The following DNAAF6 variants were observed in gnomAD, a reference collection of about 807,000 sequenced individuals.
DNAAF6 encodes the protein PIH1 domain containing 3.
DNAAF6 carries 3 observed loss-of-function variants against 13.7 expected under a neutral mutation model. The ratio of observed to expected loss-of-function variants is 0.22; its 90% CI spans 0.10 to 0.56. DNAAF6 has a LOEUF of 0.56. Among genes scored for constraint, DNAAF6 ranks in the 20% least tolerant of loss-of-function variants. DNAAF6 has a pLI of 0.92. For synonymous variants in DNAAF6, 54 were observed against 49.2 expected, an observed-to-expected ratio of 1.10 and a Z score of -0.41; for missense variants, 130 against 151.0, an observed-to-expected ratio of 0.86 and a Z score of 0.73.
At chrX:107,208,665 G>A (rs1203438940) in intron 1 of DNAAF6, among the ~76,000 whole-genome samples, 1 of 108,440 alleles carries the variant, frequency 9.2e-6, no homozygotes, top group Non-Finnish European at 1.9e-5. Flanking sequence ...AGCCACCCGA[G>A]GAGATGGGAT....
intron 5 of DNAAF6, among the ~76,000 whole-genome samples, chrX:107,230,398 C>G (rs1295465514): frequency 1.8e-5 from 2 of 111,777 alleles, no homozygotes; most frequent in Non-Finnish European, 3.8e-5. Context: ...AAAAGTAAGT[C>G]AAGGCCAGGC....
intron 5 of DNAAF6, among the ~76,000 whole-genome samples, chrX:107,235,788 G>A (rs894909298): frequency 7.2e-5 from 8 of 110,557 alleles, no homozygotes; most frequent in African/African-American, 2.6e-4. Flanking sequence ...AAATTGGGGG[G>A]GGGAGGTATA....
At chrX:107,207,982 A>G (rs1451579814) in intron 1 of DNAAF6, among the ~76,000 whole-genome samples, 2 of 111,355 alleles carry the variant, frequency 1.8e-5, no homozygotes, top group African/African-American at 6.5e-5. Flanking sequence ...TTCTTTTTAG[A>G]TAGAGGTGGA....
chrX:107,241,370 A>C (rs1449166620), intron 6 of DNAAF6, among the ~76,000 whole-genome samples: 1 of 112,011 alleles, frequency 8.9e-6, no homozygotes, highest in Non-Finnish European at 1.9e-5. Context: ...TAACTTCTGA[A>C]AATGCAAATA....
chrX:107,214,410 T>C (rs1927928902), intron 2 of DNAAF6, among the ~76,000 whole-genome samples: 1 of 111,625 alleles, frequency 9.0e-6, no homozygotes, highest in African/African-American at 3.2e-5. Flanking sequence ...GAAGTGGAAC[T>C]TGTAACTGGG....
At chrX:107,215,264 G>A (rs2147827454) in intron 2 of DNAAF6, among the ~76,000 whole-genome samples, 1 of 111,179 alleles carries the variant, frequency 9.0e-6, no homozygotes, top group African/African-American at 3.3e-5. Flanking sequence ...TCCATGGAAA[G>A]TATACCAATT....
chrX:107,239,783 T>C (rs1384002004), intron 6 of DNAAF6, among the ~76,000 whole-genome samples: 6 of 111,961 alleles, frequency 5.4e-5, no homozygotes, highest in African/African-American at 1.9e-4. Flanking sequence ...ATATCAAATG[T>C]TTTCTTATTA....
At chrX:107,219,095 C>A in intron 4 of DNAAF6, 126 bp downstream of exon 4, 1 of 832,279 alleles carries the variant, frequency 1.2e-6, no homozygotes, top group Non-Finnish European at 1.6e-6. Context: ...CAGTGACACA[C>A]GGAAGGCATG....
chrX:107,219,091 C>T (rs369526970), intron 4 of DNAAF6, 122 bp downstream of exon 4: 2 of 861,010 alleles, frequency 2.3e-6, no homozygotes, highest in East Asian at 8.5e-5. Flanking sequence ...ACTACAGTGA[C>T]ACACGGAAGG....
intron 2 of DNAAF6, among the ~76,000 whole-genome samples, chrX:107,215,357 A>G (rs926111409): frequency 9.0e-6 from 1 of 111,108 alleles, no homozygotes; most frequent in Non-Finnish European, 1.9e-5. Context: ...AGAGGCCCTC[A>G]TGTTCTGAGA....
chrX:107,218,991 A>G, intron 4 of DNAAF6, 22 bp downstream of exon 4: 1 of 1,160,948 alleles, frequency 8.6e-7, no homozygotes, highest in Non-Finnish European at 1.1e-6. Context: ...GAAGCCAGGA[A>G]TGTCTTTAGG....
chrX:107,216,238 G>A (rs1018811768), intron 2 of DNAAF6, among the ~76,000 whole-genome samples: 66 of 111,895 alleles, frequency 5.9e-4, no homozygotes, highest in African/African-American at 1.8e-3. Flanking sequence ...CTTCTGCTTA[G>A]TGTTAGTTTT....
At chrX:107,238,817 A>G in intron 5 of DNAAF6, 105 bp from the exon 6 acceptor site, 1 of 1,111,169 alleles carries the variant, frequency 9.0e-7, no homozygotes, top group Non-Finnish European at 1.2e-6. Context: ...AGCCTGGCAC[A>G]TAGTTGACAA....
At chrX:107,212,583 A>G (rs1225005725) in intron 1 of DNAAF6, among the ~76,000 whole-genome samples, 5 of 112,042 alleles carry the variant, frequency 4.5e-5, no homozygotes, top group African/African-American at 1.6e-4. Flanking sequence ...CCAAGTGATT[A>G]TTAAGCACAT....
chrX:107,217,675 G>T (rs915084424), intron 3 of DNAAF6, among the ~76,000 whole-genome samples: 4 of 112,253 alleles, frequency 3.6e-5, no homozygotes, highest in African/African-American at 1.3e-4. Flanking sequence ...CTCTAATTCT[G>T]TTGGTCATGA....
intron 5 of DNAAF6, among the ~76,000 whole-genome samples, chrX:107,225,538 C>T (rs1186815675): frequency 2.7e-5 from 3 of 110,814 alleles, no homozygotes; most frequent in Non-Finnish European, 5.7e-5. Context: ...TATTTGTGTC[C>T]TGGACCTGGT....
At chrX:107,224,955 G>A (rs1284146775) in intron 5 of DNAAF6, among the ~76,000 whole-genome samples, 2 of 107,819 alleles carry the variant, frequency 1.9e-5, no homozygotes, top group African/African-American at 3.4e-5. Context: ...CATATATCAG[G>A]TACATAGTGA....
chrX:107,211,831 A>G (rs765958779), intron 1 of DNAAF6, among the ~76,000 whole-genome samples: 1 of 111,745 alleles, frequency 8.9e-6, no homozygotes, highest in African/African-American at 3.2e-5. Context: ...GTGTAATCAA[A>G]CCAAATGATA....
At position 107,222,735 on chromosome X, in the gene DNAAF6, T is replaced by A; in HGVS notation, c.333-10T>A. The A allele has an allele frequency of 8.4e-7, 1 of 1,192,876 alleles. No individual in the cohort carries two copies. The highest frequency in any genetic ancestry group is 1.8e-5 in the African/African-American group (1 of 56,984). On this transcript the variant is annotated splice_polypyrimidine_tract_variant and intron_variant, in intron 4 of 6. Transcript: ENST00000372453. Reference sequence around the variant, plus strand: ...CATCTGAGTCCCTATAATCATTGATTTTTTTTCAGGTATGAGATTATATTC... The same window carrying A: ...CATCTGAGTCCCTATAATCATTGATATTTTTTCAGGTATGAGATTATATTC...
Sources: gnomAD v4.1 joint callset for allele counts (sites outside exome capture counted in the v4.1 genomes callset) on GRCh38, gnomAD v4.1.1 for gene constraint, MANE v1.5 for transcripts, NCBI Gene and HGNC (gene_info 2026-07-23, HGNC 2026-07-21) for gene names.